ZNF677: variants seen among roughly 807,000 people sequenced by gnomAD.
ZNF677 encodes the protein hypothetical protein MGC48625.
In ZNF677, 5 loss-of-function variants were observed where a neutral mutation model predicts 8.1. The observed-to-expected ratio is 0.62, with a 90% confidence interval of 0.32 to 1.29. The LOEUF is 1.29. ZNF677 is among the 50% of genes most tolerant of loss of function. The pLI, the probability that ZNF677 is intolerant of heterozygous loss-of-function variation, is 0.05. For synonymous variants in ZNF677, 221 were observed against 225.6 expected, an observed-to-expected ratio of 0.98 and a Z score of 0.18; for missense variants, 685 against 685.9, an observed-to-expected ratio of 1.00 and a Z score of 0.01.
At chr19:53,242,607 G>C (rs2091070877) in intron 4 of ZNF677, 1 of 392,926 alleles carries the variant, frequency 2.5e-6, no homozygotes, top group African/African-American at 2.1e-5. Context: ...GCTTGAACAA[G>C]TAGAGAGACC....
At position 53,237,093 on chromosome 19, in the gene ZNF677, T is replaced by G. The variant is rs1428665690; in HGVS notation, c.1634A>C (p.His545Pro). Residue 545 changes from histidine to proline, a missense_variant, in exon 5 of 5, where the codon CAT (histidine) becomes CCT (proline). By Grantham distance (77) the His-to-Pro change is moderately conservative. Transcript: ENST00000598513. ...GAATAAAGCATTACCATGTATATTA[T>G]GTTTACAATGTTTCTTTTCAATGTG... ...KIHIEKKHCKHNIHGNALFQS... is the reference protein window; with the variant it reads ...KIHIEKKHCKPNIHGNALFQS... 6.2e-7 allele frequency: 1 copy of G among 1,613,852 alleles called. No individual in the cohort carries two copies. Among genetic ancestry groups the G allele is most frequent in the East Asian group, 2.2e-5 (1 of 44,856 alleles).
Position 53,243,869 on chromosome 19 carries a change from A to G in ZNF677, c.44T>C (p.Ile15Thr). 3 of 1,609,396 alleles carry G rather than the reference A, an allele frequency of 1.9e-6. No individual in the cohort carries two copies. Among genetic ancestry groups the G allele is most frequent in the Non-Finnish European group, 2.5e-6 (3 of 1,178,402 alleles). Residue 15 changes from isoleucine to threonine, a missense_variant, in exon 4 of 5, where the codon ATA becomes ACA. Coordinates refer to ENST00000598513, the MANE Select transcript of ZNF677 (RefSeq NM_182609.4). ...CTCCCACTCCTCTTGAGAGAATTCTATGGCCACATCCTTGAATGTAAACAG... is the reference window on the plus strand; with the variant it reads ...CTCCCACTCCTCTTGAGAGAATTCTGTGGCCACATCCTTGAATGTAAACAG... Reference protein sequence around the residue: ...QGLFTFKDVAIEFSQEEWECL... With the variant: ...QGLFTFKDVATEFSQEEWECL...
chr19:53,243,449 C>T, intron 4 of ZNF677: 1 of 463,950 alleles, frequency 2.2e-6, no homozygotes, highest in Non-Finnish European at 3.8e-6. Context: ...TCTGAAAAAA[C>T]TACTGAATCA....
chr19:53,248,044 T>G (rs1236256793), intron 3 of ZNF677, among the ~76,000 whole-genome samples: 1 of 152,244 alleles, frequency 6.6e-6, no homozygotes, highest in Non-Finnish European at 1.5e-5. Flanking sequence ...TTTTGTTTTG[T>G]AATTATTCCC....
chr19:53,236,251 T>C lies in ZNF677; in HGVS notation c.*721A>G, dbSNP rs904684735. 4.6e-5 allele frequency: 7 copies of C among 152,102 alleles called. No homozygotes were observed. Among genetic ancestry groups the C allele is most frequent in the African/African-American group, 1.4e-4 (6 of 41,406 alleles). The allele number at this position is 152,102 out of a possible 1,614,324, so 9.4% of individuals were successfully genotyped here. Reference sequence around the variant, plus strand: ...TCTTGCTTTTTCCAGGTTTCAGTAATATAAAGAAGCCACACCTAAGGAAGT... The same window carrying C: ...TCTTGCTTTTTCCAGGTTTCAGTAACATAAAGAAGCCACACCTAAGGAAGT... On this transcript the variant is annotated 3_prime_UTR_variant, in exon 5 of 5. Coordinates refer to ENST00000598513, the MANE Select transcript of ZNF677 (RefSeq NM_182609.4).
rs1425627676 is a variant in ZNF677 at position 53,254,818 on chromosome 19, A to G, written c.-127+16T>C. On this transcript the variant is annotated intron_variant, in intron 1 of 4. Coordinates refer to ENST00000598513, the MANE Select transcript of ZNF677 (RefSeq NM_182609.4). The stretch of plus-strand genomic sequence containing the variant: ...CCCGCGAGGCGCAGGCTTGAACCCG[A>G]AAGACGGAGACTCACCCGAGAGCGC... 2.0e-5 allele frequency: 3 copies of G among 152,636 alleles called. No individual in the cohort carries two copies. Among genetic ancestry groups the G allele is most frequent in the Non-Finnish European group, 4.4e-5 (3 of 68,066 alleles). The allele number at this position is 152,636 out of a possible 1,614,324, so 9.5% of individuals were successfully genotyped here.
intron 4 of ZNF677, chr19:53,243,269 A>G: frequency 6.0e-6 from 1 of 165,980 alleles, no homozygotes; most frequent in Non-Finnish European, 1.3e-5. Flanking sequence ...AAAGAAAAAA[A>G]GGAACATGGT....
At chr19:53,245,795 T>C (rs1203354438) in intron 3 of ZNF677, among the ~76,000 whole-genome samples, 1 of 147,510 alleles carries the variant, frequency 6.8e-6, no homozygotes, top group African/African-American at 2.5e-5. Context: ...GGGCAGATCA[T>C]GAGATCAGAA....
At chr19:53,254,511 A>T (rs1430808468) in intron 1 of ZNF677, 1 of 152,186 alleles carries the variant, frequency 6.6e-6, no homozygotes, top group Non-Finnish European at 1.5e-5. Context: ...ACCCCGAGTG[A>T]GGGCTTTACC....
At chr19:53,252,120 TA>T (rs2091244645) in intron 2 of ZNF677, among the ~76,000 whole-genome samples, 1 of 152,138 alleles carries the variant, frequency 6.6e-6, no homozygotes, top group Non-Finnish European at 1.5e-5. Flanking sequence ...GGAGAAAGAA[TA>T]AAAAGCTGAG....
At chr19:53,252,767 A>C (rs2091254872) in intron 2 of ZNF677, among the ~76,000 whole-genome samples, 1 of 152,162 alleles carries the variant, frequency 6.6e-6, no homozygotes, top group African/African-American at 2.4e-5. Flanking sequence ...ACCTGGAGGA[A>C]CATCTACTTA....
intron 3 of ZNF677, among the ~76,000 whole-genome samples, chr19:53,249,820 G>A (rs957426884): frequency 5.5e-4 from 84 of 152,084 alleles, no homozygotes; most frequent in African/African-American, 1.7e-3. Context: ...AGAAAGTTCT[G>A]CTCACAGGTC....
At chr19:53,243,540 C>A in intron 4 of ZNF677, 1 of 626,166 alleles carries the variant, frequency 1.6e-6, no homozygotes, top group South Asian at 2.2e-5. Context: ...ATTCTGGAAC[C>A]ACCACTCGTC....
chr19:53,245,810 A>G (rs2091127523), intron 3 of ZNF677, among the ~76,000 whole-genome samples: 1 of 151,528 alleles, frequency 6.6e-6, no homozygotes, highest in Non-Finnish European at 1.5e-5. Flanking sequence ...TCAGAAGTTC[A>G]AGACCAGCCT....
At chr19:53,247,763 A>T (rs531102707) in intron 3 of ZNF677, among the ~76,000 whole-genome samples, 4 of 152,262 alleles carry the variant, frequency 2.6e-5, no homozygotes, top group African/African-American at 9.6e-5. Flanking sequence ...CTTAAAGTTT[A>T]TTTGGTCTGC....
intron 4 of ZNF677, chr19:53,242,637 G>C (rs2146943013): frequency 2.6e-6 from 1 of 383,328 alleles, no homozygotes; most frequent in Admixed American, 4.5e-5. Context: ...TCAAATTTCA[G>C]GGAACCCCAG....
intron 1 of ZNF677, among the ~76,000 whole-genome samples, chr19:53,254,412 GCTCT>G (rs1024358649): frequency 2.0e-5 from 3 of 151,918 alleles, no homozygotes; most frequent in East Asian, 3.9e-4. Context: ...GTTTCTGATG[GCTCT>G]CTAATTTCGC....
intron 1 of ZNF677, among the ~76,000 whole-genome samples, chr19:53,253,518 G>A (rs1177896420): frequency 1.3e-5 from 2 of 152,046 alleles, no homozygotes; most frequent in Non-Finnish European, 2.9e-5. Flanking sequence ...TGAAAATCCC[G>A]TCTCTGCTAA....
chr19:53,253,987 C>T (rs1401741062), intron 1 of ZNF677, among the ~76,000 whole-genome samples: 1 of 152,190 alleles, frequency 6.6e-6, no homozygotes, highest in African/African-American at 2.4e-5. Flanking sequence ...CTGGAATTAA[C>T]TGAGCTAAGT....
Sources: allele counts gnomAD v4.1 joint callset (sites outside exome capture counted in the v4.1 genomes callset), GRCh38; gene constraint gnomAD v4.1.1; transcripts MANE v1.5; gene names NCBI Gene and HGNC (gene_info 2026-07-23, HGNC 2026-07-21).